The following TDRP variants were observed in gnomAD, a reference collection of about 807,000 sequenced individuals.
TDRP encodes the protein testis development-related protein.
Under a neutral mutation model 10.5 loss-of-function variants are expected in TDRP, and 12 were observed. That is an observed-to-expected ratio of 1.15 (90% CI 0.73 to 1.86). The LOEUF (loss-of-function observed/expected upper bound fraction) is 1.86. Among genes scored for constraint, TDRP ranks in the 40% most tolerant of loss-of-function variants. The pLI, the probability that TDRP is intolerant of heterozygous loss-of-function variation, is 0.00. For missense variants in TDRP, 353 were observed against 229.2 expected (o/e 1.54, Z -3.49); for synonymous variants, 139 against 95.4 (o/e 1.46, Z -2.67).
chr8:505,420 A>G (rs1022802769), intron 1 of TDRP, among the ~76,000 whole-genome samples: 1 of 152,220 alleles, frequency 6.6e-6, no homozygotes, highest in African/African-American at 2.4e-5. Flanking sequence ...GATGTGTAAA[A>G]TTTCTCTTCT....
At chr8:503,067 G>A (rs1374661320) in intron 1 of TDRP, among the ~76,000 whole-genome samples, 17 of 125,930 alleles carry the variant, frequency 1.3e-4, no homozygotes, top group African/African-American at 4.9e-4. Flanking sequence ...ATCAGAACCT[G>A]TGCCCACCTC....
At chr8:518,719 G>C (rs1345734451) in intron 1 of TDRP, among the ~76,000 whole-genome samples, 4 of 150,708 alleles carry the variant, frequency 2.7e-5, no homozygotes, top group Admixed American at 2.6e-4. Flanking sequence ...CTAAGCCTTA[G>C]GGCAAATGAA....
At chr8:539,455 T>G (rs1250669568) in intron 1 of TDRP, among the ~76,000 whole-genome samples, 2 of 152,184 alleles carry the variant, frequency 1.3e-5, no homozygotes, top group Non-Finnish European at 2.9e-5. Context: ...TACAGTGGCC[T>G]GAATGAACTA....
intron 1 of TDRP, among the ~76,000 whole-genome samples, chr8:519,298 T>G (rs1801835720): frequency 6.6e-6 from 1 of 152,140 alleles, no homozygotes; most frequent in South Asian, 2.1e-4. Context: ...GAGCTGTTCC[T>G]CCGCTGTATC....
chr8:531,026 G>A (rs566138147), intron 1 of TDRP, among the ~76,000 whole-genome samples: 29 of 152,284 alleles, frequency 1.9e-4, no homozygotes, highest in African/African-American at 6.7e-4. Context: ...AGTCAGGAGA[G>A]ACAGAAACCA....
intron 1 of TDRP, among the ~76,000 whole-genome samples, chr8:511,164 A>T (rs77489304): frequency 0.01 from 1,541 of 152,310 alleles, 26 homozygotes; most frequent in African/African-American, 0.035. Flanking sequence ...AATGGATTAA[A>T]ACTCCAAGCA....
intron 1 of TDRP, among the ~76,000 whole-genome samples, chr8:522,141 A>C (rs1367283836): frequency 6.6e-6 from 1 of 152,200 alleles, no homozygotes; most frequent in African/African-American, 2.4e-5. Flanking sequence ...TCTACATACA[A>C]GGTCAGACAG....
chr8:542,349 T>A (rs893459985), intron 1 of TDRP, among the ~76,000 whole-genome samples: 3 of 151,912 alleles, frequency 2.0e-5, no homozygotes, highest in African/African-American at 7.3e-5. Context: ...AACCACAGAA[T>A]GCACAACGAG....
At chr8:524,144 G>A (rs540577280) in intron 1 of TDRP, among the ~76,000 whole-genome samples, 2 of 152,200 alleles carry the variant, frequency 1.3e-5, no homozygotes, top group African/African-American at 2.4e-5. Context: ...AAAACAACAA[G>A]AGTTTCTGCC....
chr8:505,626 A>ACAG (rs1398808605), intron 1 of TDRP, among the ~76,000 whole-genome samples: 1 of 152,228 alleles, frequency 6.6e-6, no homozygotes, highest in East Asian at 1.9e-4. Context: ...ATCTCCAGCC[A>ACAG]CAGCAGCAGG....
intron 1 of TDRP, among the ~76,000 whole-genome samples, chr8:496,929 T>C (rs1469112156): frequency 6.6e-6 from 1 of 152,234 alleles, no homozygotes; most frequent in East Asian, 1.9e-4. Context: ...CCACATAAGA[T>C]GTGCCTTGCT....
In TDRP at chr8:492,680, C is replaced by A. The variant is rs767712080; in HGVS notation, c.277G>T (p.Val93Phe). The A allele has an allele frequency of 1.9e-6, 3 of 1,613,970 alleles. No individual in the cohort carries two copies. The highest frequency in any genetic ancestry group is 1.1e-5 in the South Asian group (1 of 91,076). ...EKKSGFWDNL[V>F]LKQNIQSKKP... is the part of the protein sequence containing the mutation. ...TTAGACTGTATATTCTGTTTTAAAACCAAATTGTCCCAAAATCCAGATTTC... is the reference window on the plus strand; with the variant it reads ...TTAGACTGTATATTCTGTTTTAAAAACAAATTGTCCCAAAATCCAGATTTC... The change falls in exon 3 of 3, where the codon GTT becomes TTT. Residue 93 changes from valine (V) to phenylalanine (F), a missense_variant. Val to Phe is a conservative substitution (Grantham distance 50, BLOSUM62 -1). Coordinates refer to ENST00000324079, the MANE Select transcript of TDRP (RefSeq NM_001384899.1).
chr8:540,432 C>T (rs1334819348), intron 1 of TDRP, among the ~76,000 whole-genome samples: 1 of 152,146 alleles, frequency 6.6e-6, no homozygotes, highest in African/African-American at 2.4e-5. Context: ...GACAGATATA[C>T]AAAAGAGCTT....
Position 514,276 on chromosome 8 carries a change from G to A in TDRP, c.109-19679C>T, listed in dbSNP as rs563470571. On this transcript the variant is annotated intron_variant, in intron 1 of 2. Transcript: ENST00000324079. Reference sequence around the variant, plus strand: ...TAATCAATGACAGATGAATGGAAAAGAACTAAGCGTCCAGAAATAAACCCA... The same window carrying A: ...TAATCAATGACAGATGAATGGAAAAAAACTAAGCGTCCAGAAATAAACCCA... Among the ~76,000 whole-genome samples, 6 of 152,310 alleles carry A rather than the reference G, an allele frequency of 3.9e-5. No homozygotes were observed. The South Asian group carries it at 1.2e-3, about 32-fold the overall frequency.
intron 1 of TDRP, among the ~76,000 whole-genome samples, chr8:504,707 C>G (rs934343793): frequency 5.3e-5 from 8 of 152,342 alleles, no homozygotes; most frequent in Admixed American, 2.0e-4. Flanking sequence ...GGTCAACAGA[C>G]TTTGCCATTT....
Position 491,544 on chromosome 8 carries a change from C to T in TDRP, c.*855G>A, listed in dbSNP as rs1800973277. The T allele has an allele frequency of 7.0e-7, 1 of 1,423,850 alleles. No homozygotes were observed. Among genetic ancestry groups the T allele is most frequent in the Non-Finnish European group, 9.3e-7 (1 of 1,072,142 alleles). 88.2% of individuals were successfully genotyped at this position (1,423,850 alleles called of 1,614,324 possible). A position where few individuals can be genotyped will look rare whatever the true frequency, so the allele number is the denominator to read the frequency against. On this transcript the variant is annotated 3_prime_UTR_variant, in exon 3 of 3. Coordinates refer to ENST00000324079, the MANE Select transcript of TDRP (RefSeq NM_001384899.1). ...AGGCATCTCGCTTTGCAAGAACAAA[C>T]ATATGAGCCTAATAAAAAAGAGGCA...
At position 524,862 on chromosome 8, in the gene TDRP, G is replaced by T. The variant is rs533381140; in HGVS notation, c.108+19788C>A. ...GCTAGGAGTTATTGGCCTTAAACAA[G>T]AAGTAGAGAACGAGAGAGAAGGGTA... On this transcript the variant is annotated intron_variant, in intron 1 of 2. Coordinates refer to ENST00000324079, the MANE Select transcript of TDRP (RefSeq NM_001384899.1). Among the ~76,000 whole-genome samples the T allele has an allele frequency of 1.1e-4, 17 of 152,244 alleles. No individual in the cohort carries two copies. The South Asian group carries it at 3.5e-3, about 32-fold the overall frequency.
At chr8:507,573 C>T (rs1801500916) in intron 1 of TDRP, among the ~76,000 whole-genome samples, 1 of 152,188 alleles carries the variant, frequency 6.6e-6, no homozygotes, top group African/African-American at 2.4e-5. Flanking sequence ...GCCACACCTC[C>T]ATCATCCCAG....
At chr8:521,161 G>C (rs1300657304) in intron 1 of TDRP, among the ~76,000 whole-genome samples, 1 of 151,530 alleles carries the variant, frequency 6.6e-6, no homozygotes, top group African/African-American at 2.4e-5. Context: ...CCAGCACTTT[G>C]GGAGGCCGAG....
Sources: allele counts gnomAD v4.1 joint callset (sites outside exome capture counted in the v4.1 genomes callset), GRCh38; gene constraint gnomAD v4.1.1; transcripts MANE v1.5; gene names NCBI Gene and HGNC (gene_info 2026-07-23, HGNC 2026-07-21).